The following MTR variants were observed in gnomAD, a reference collection of about 807,000 sequenced individuals.
MTR encodes the protein methionine synthase.
In MTR, 84 loss-of-function variants were observed where a neutral mutation model predicts 154.8. The ratio of observed to expected loss-of-function variants is 0.54; its 90% CI spans 0.45 to 0.65. The LOEUF (loss-of-function observed/expected upper bound fraction) is 0.65. Ranked by LOEUF, MTR falls within the 30% of genes least tolerant of loss-of-function variation. The pLI, the probability that MTR is intolerant of heterozygous loss-of-function variation, is 0.00. For synonymous variants in MTR, 554 were observed against 553.9 expected (o/e 1.00, Z 0.00); for missense variants, 1,275 against 1,570.2 (o/e 0.81, Z 3.18).
At chr1:236,814,093 C>T (rs1251431436) in intron 6 of MTR, among the ~76,000 whole-genome samples, 1 of 152,040 alleles carries the variant, frequency 6.6e-6, no homozygotes, top group Non-Finnish European at 1.5e-5. Context: ...TCAAAAAAAT[C>T]GTTTTCTAAA....
chr1:236,852,548 G>A lies in MTR; in HGVS notation c.1723G>A (p.Gly575Arg), dbSNP rs942535205. The part of the protein sequence containing the change: ...KETLPGARIS[G>R]GLSNLSFSFR... Reference sequence around the variant, plus strand: ...AACATTACCTGGAGCCAGAATAAGTGGAGGTCTTTCCAACTTGTCCTTCTC... The same window carrying A: ...AACATTACCTGGAGCCAGAATAAGTAGAGGTCTTTCCAACTTGTCCTTCTC... The change falls in exon 17 of 33, where the codon GGA (glycine) becomes AGA (arginine). Residue 575 changes from glycine (G) to arginine (R), a missense_variant. Physicochemically the swap from Gly to Arg is moderately radical, Grantham distance 125. Coordinates refer to ENST00000366577, the MANE Select transcript of MTR (RefSeq NM_000254.3). 1.2e-6 allele frequency: 2 copies of A among 1,613,834 alleles called. No homozygotes were observed. Among genetic ancestry groups the A allele is most frequent in the Non-Finnish European group, 1.7e-6 (2 of 1,179,928 alleles).
At chr1:236,824,050 A>C in intron 8 of MTR, 69 bp from the exon 9 acceptor site, 1 of 1,294,534 alleles carries the variant, frequency 7.7e-7, no homozygotes, top group South Asian at 1.2e-5. Context: ...TATTGTCTCC[A>C]TATATAACTT....
intron 15 of MTR, among the ~76,000 whole-genome samples, chr1:236,839,362 G>A (rs1663097662): frequency 6.9e-6 from 1 of 145,556 alleles, no homozygotes; most frequent in Non-Finnish European, 1.5e-5. Context: ...GTAGGAAAAT[G>A]GACAAAGGAA....
rs532712219 is a variant in MTR at position 236,829,719 on chromosome 1, T to A, written c.1075+451T>A. On this transcript the variant is annotated intron_variant, in intron 12 of 32. Coordinates refer to ENST00000366577, the MANE Select transcript of MTR (RefSeq NM_000254.3). ...TGTAATCTTACATTTGCCACATGTT[T>A]AGGACTTTACAAAGACTTGTGGTAT... Among the ~76,000 whole-genome samples the A allele has an allele frequency of 3.9e-5, 6 of 152,348 alleles. No individual in the cohort carries two copies. In the East Asian group the frequency reaches 1.2e-3, roughly 29 times the overall value.
At chr1:236,823,796 CTTTTTTTTTTTTTTTTTTTT>C (rs59710180) in intron 8 of MTR, among the ~76,000 whole-genome samples, 2 of 18,424 alleles carry the variant, frequency 1.1e-4, no homozygotes, top group Non-Finnish European at 1.9e-4. Context: ...CAGGTCAGAT[CTTTTTTTTTTTTTTTTTTTT>C]TTTTTTTTTT....
intron 20 of MTR, among the ~76,000 whole-genome samples, chr1:236,861,723 AC>A (rs1269997188): frequency 6.6e-6 from 1 of 152,206 alleles, no homozygotes; most frequent in Non-Finnish European, 1.5e-5. Flanking sequence ...CAGAACTCTT[AC>A]TTTGATTTAC....
At chr1:236,795,990 C>G (rs1184836769) in intron 1 of MTR, among the ~76,000 whole-genome samples, 1 of 152,194 alleles carries the variant, frequency 6.6e-6, no homozygotes, top group African/African-American at 2.4e-5. Flanking sequence ...CCCTCGCCCC[C>G]GAAACACATT....
chr1:236,879,653 G>A (rs1188549484), intron 24 of MTR, among the ~76,000 whole-genome samples: 2 of 152,126 alleles, frequency 1.3e-5, no homozygotes, highest in Non-Finnish European at 2.9e-5. Flanking sequence ...CATGTTTTCA[G>A]TTTTCACTTT....
intron 22 of MTR, among the ~76,000 whole-genome samples, chr1:236,873,030 G>A (rs531620858): frequency 6.6e-6 from 1 of 152,348 alleles, no homozygotes; most frequent in East Asian, 1.9e-4. Flanking sequence ...GCTGAGCACA[G>A]TGTCTTTCAA....
chr1:236,887,665 G>A (rs1666090896), intron 27 of MTR, among the ~76,000 whole-genome samples: 2 of 152,334 alleles, frequency 1.3e-5, no homozygotes, highest in East Asian at 1.9e-4. Flanking sequence ...TTAACCTCTG[G>A]CATGGGCTAC....
At chr1:236,858,480 G>C (rs1216680805) in intron 18 of MTR, among the ~76,000 whole-genome samples, 1 of 152,156 alleles carries the variant, frequency 6.6e-6, no homozygotes. Context: ...TCAGGGCATT[G>C]GATGGCATGG....
intron 14 of MTR, among the ~76,000 whole-genome samples, chr1:236,837,791 A>G (rs1298865285): frequency 6.6e-6 from 1 of 152,206 alleles, no homozygotes; most frequent in Non-Finnish European, 1.5e-5. Context: ...CTTTGTATCA[A>G]TCTAATTCTT....
chr1:236,880,855 A>AT lies in MTR; in HGVS notation c.2676+23dup, dbSNP rs780880765. 5.6e-6 allele frequency: 9 copies of AT among 1,604,000 alleles called. No homozygotes were observed. In the South Asian group the frequency reaches 9.9e-5, roughly 18 times the overall value. On this transcript the variant is annotated intron_variant, in intron 25 of 32. Transcript: ENST00000366577. Reference sequence around the variant, plus strand: ...GGTGGTGGTAAGTGGGTGACCTTACATTTTATTCCAGATGTGTTGGAAAGC... The same window carrying AT: ...GGTGGTGGTAAGTGGGTGACCTTACATTTTTATTCCAGATGTGTTGGAAAGC...
intron 20 of MTR, among the ~76,000 whole-genome samples, chr1:236,861,571 A>G (rs954873914): frequency 2.0e-5 from 3 of 152,206 alleles, no homozygotes; most frequent in African/African-American, 7.2e-5. Context: ...CCAAAAGTAA[A>G]GTAAAACCCA....
chr1:236,810,720 G>A (rs1661253137), intron 5 of MTR, 125 bp downstream of exon 5: 3 of 788,944 alleles, frequency 3.8e-6, no homozygotes, highest in Non-Finnish European at 6.6e-6. Flanking sequence ...TTTAATCCAT[G>A]TAAAACGTGT....
At chr1:236,833,215 G>T (rs1373737493) in intron 13 of MTR, among the ~76,000 whole-genome samples, 7 of 152,148 alleles carry the variant, frequency 4.6e-5, no homozygotes, top group Admixed American at 4.6e-4. Flanking sequence ...GCCATATAGT[G>T]TTCTTCAGTT....
chr1:236,851,747 T>C (rs1383452028), intron 16 of MTR, among the ~76,000 whole-genome samples: 1 of 152,228 alleles, frequency 6.6e-6, no homozygotes, highest in Non-Finnish European at 1.5e-5. Flanking sequence ...CTAATAAAAA[T>C]AGAATCGTAA....
intron 12 of MTR, 147 bp downstream of exon 12, chr1:236,829,415 T>C (rs746902800): frequency 7.6e-5 from 58 of 762,444 alleles, no homozygotes; most frequent in Non-Finnish European, 1.3e-4. Context: ...TGAATTCTAG[T>C]GAAGAACCCT....
At chr1:236,805,829 C>T (rs1489451389) in intron 2 of MTR, among the ~76,000 whole-genome samples, 2 of 152,054 alleles carry the variant, frequency 1.3e-5, no homozygotes, top group South Asian at 2.1e-4. Flanking sequence ...ATATAGCTAC[C>T]CTGTGAAGTA....
Sources: allele counts gnomAD v4.1 joint callset (sites outside exome capture counted in the v4.1 genomes callset), GRCh38; gene constraint gnomAD v4.1.1; transcripts MANE v1.5; gene names NCBI Gene and HGNC (gene_info 2026-07-23, HGNC 2026-07-21).